Variants in TWIST2 observed in about 807,000 individuals in gnomAD.
TWIST2 encodes twist family bHLH transcription factor 2, also known as twist-related protein 2.
In TWIST2, 1 loss-of-function variant was observed where a neutral mutation model predicts 11.6. The ratio of observed to expected loss-of-function variants is 0.09; its 90% CI spans 0.03 to 0.41. The LOEUF (loss-of-function observed/expected upper bound fraction) is 0.41. Among genes scored for constraint, TWIST2 ranks in the 10% least tolerant of loss-of-function variants. The pLI is 0.98. For missense variants in TWIST2, 168 were observed against 226.4 expected, an observed-to-expected ratio of 0.74 and a Z score of 1.66; for synonymous variants, 87 against 96.6, an observed-to-expected ratio of 0.90 and a Z score of 0.58.
intron 1 of TWIST2, among the ~76,000 whole-genome samples, chr2:238,868,595 A>G (rs1307278275): frequency 6.6e-6 from 1 of 152,192 alleles, no homozygotes; most frequent in Non-Finnish European, 1.5e-5. Flanking sequence ...GAGATGGAAG[A>G]TGCTGTTTCC....
chr2:238,894,064 G>A (rs1266948998), intron 1 of TWIST2, among the ~76,000 whole-genome samples: 1 of 152,110 alleles, frequency 6.6e-6, no homozygotes, highest in Non-Finnish European at 1.5e-5. Context: ...CCAGGAATCT[G>A]AGCCCATCTT....
Position 238,864,178 on chromosome 2 carries a change from TG to T in TWIST2, c.*35+15451del, listed in dbSNP as rs893253821. On this transcript the variant is annotated intron_variant, in intron 1 of 1. Coordinates refer to ENST00000612363, the MANE Select transcript of TWIST2 (RefSeq NM_001271893.4). This position sits in a 1 kb window ranked among gnomAD's most constrained non-coding sequence, Gnocchi z 4.7. ...AAATATTTGTAAGTTTCCATCAGCATGGGGGGAAGGGGCTGGAGGTGAGGGG... is the reference window on the plus strand; with the variant it reads ...AAATATTTGTAAGTTTCCATCAGCATGGGGGAAGGGGCTGGAGGTGAGGGG... Among the ~76,000 whole-genome samples the T allele has an allele frequency of 1.3e-4, 20 of 149,620 alleles. No homozygotes were observed. Among genetic ancestry groups the T allele is most frequent in the African/African-American group, 4.2e-4 (17 of 40,580 alleles).
intron 1 of TWIST2, among the ~76,000 whole-genome samples, chr2:238,861,869 C>T (rs1459793952): frequency 6.6e-6 from 1 of 152,228 alleles, no homozygotes; most frequent in African/African-American, 2.4e-5. Flanking sequence ...CTGTCCCGCT[C>T]CATCCCCCCA....
At chr2:238,881,128 T>C (rs1692916384) in intron 1 of TWIST2, among the ~76,000 whole-genome samples, 1 of 101,924 alleles carries the variant, frequency 9.8e-6, no homozygotes, top group Admixed American at 1.1e-4. Flanking sequence ...TAGTATTTAT[T>C]AGTATTAGTA....
At chr2:238,878,869 G>T (rs148923374) in intron 1 of TWIST2, among the ~76,000 whole-genome samples, 63,047 of 151,966 alleles carry the variant, frequency 0.41, 13,487 homozygotes, top group East Asian at 0.52. Context: ...ACCTTCAGGA[G>T]CTGACTTTCC....
chr2:238,869,765 G>A (rs145344388), intron 1 of TWIST2, among the ~76,000 whole-genome samples: 4,249 of 152,280 alleles, frequency 0.028, 94 homozygotes, highest in Non-Finnish European at 0.044. Context: ...GCAACCTAGT[G>A]AGATGCCATC....
At chr2:238,849,613 C>A (rs1227989113) in intron 1 of TWIST2, among the ~76,000 whole-genome samples, 1 of 152,146 alleles carries the variant, frequency 6.6e-6, no homozygotes, top group Non-Finnish European at 1.5e-5. Context: ...GGCTGGGAAA[C>A]GGGTCTGGGG....
intron 1 of TWIST2, among the ~76,000 whole-genome samples, chr2:238,860,219 G>A (rs190816146): frequency 2.0e-5 from 3 of 152,220 alleles, no homozygotes; most frequent in Non-Finnish European, 2.9e-5. Context: ...GTGTGTGCAG[G>A]TGCTGCTCCC....
chr2:238,901,926 G>T (rs1230050633), intron 1 of TWIST2, among the ~76,000 whole-genome samples: 1 of 152,156 alleles, frequency 6.6e-6, no homozygotes, highest in Admixed American at 6.5e-5. Flanking sequence ...AGGGAGAGGA[G>T]GTGGGGGTGA....
chr2:238,908,608 T>C (rs1478005326), intron 1 of TWIST2, among the ~76,000 whole-genome samples: 1 of 152,224 alleles, frequency 6.6e-6, no homozygotes, highest in Non-Finnish European at 1.5e-5. Flanking sequence ...GTGTGGCATA[T>C]AATGTGGTAT....
At chr2:238,855,212 TA>T (rs1439576085) in intron 1 of TWIST2, among the ~76,000 whole-genome samples, 1 of 152,182 alleles carries the variant, frequency 6.6e-6, no homozygotes, top group Non-Finnish European at 1.5e-5. Flanking sequence ...TCTTGATACA[TA>T]ACAGAATAAG....
rs1324430414 is a variant in TWIST2 at position 238,848,602 on chromosome 2, G to A, written c.387G>A (p.Lys129=). The change falls in exon 1 of 2, where the codon AAG becomes AAA. Residue 129 remains lysine (K), a synonymous_variant. Coordinates refer to ENST00000612363, the MANE Select transcript of TWIST2 (RefSeq NM_001271893.4). Reference sequence around the variant, plus strand: ...TGCAGAGCGACGAGATGGACAATAAGATGACCAGCTGCAGCTACGTGGCCC... The same window carrying A: ...TGCAGAGCGACGAGATGGACAATAAAATGACCAGCTGCAGCTACGTGGCCC... ...QVLQSDEMDN[K]MTSCSYVAHE... is the part of the protein sequence containing the mutation. 1.9e-6 allele frequency: 3 copies of A among 1,561,878 alleles called. No homozygotes were observed. Among genetic ancestry groups the A allele is most frequent in the African/African-American group, 1.4e-5 (1 of 73,752 alleles).
At chr2:238,882,019 T>C (rs1463927149) in intron 1 of TWIST2, among the ~76,000 whole-genome samples, 1 of 152,106 alleles carries the variant, frequency 6.6e-6, no homozygotes, top group African/African-American at 2.4e-5. Context: ...TGTGTCTGTC[T>C]CTGTGTCCCT....
Position 238,864,628 on chromosome 2 carries a change from C to T in TWIST2, c.*35+15895C>T, listed in dbSNP as rs1692499425. On this transcript the variant is annotated intron_variant, in intron 1 of 1. Transcript: ENST00000612363. This position sits in a 1 kb window ranked among gnomAD's most constrained non-coding sequence, Gnocchi z 4.7. ...CGGCCAAGACCAGCAGGACAGGGGC[C>T]CAGAGGCTGGTACCCTCCGAGGTGC... 6.6e-6 allele frequency among the ~76,000 whole-genome samples: 1 copy of T among 152,138 alleles called. No individual in the cohort carries two copies. Among genetic ancestry groups the T allele is most frequent in the Non-Finnish European group, 1.5e-5 (1 of 67,998 alleles).
rs1306476370 is a variant in TWIST2 at position 238,864,077 on chromosome 2, A to G, written c.*35+15344A>G. On this transcript the variant is annotated intron_variant, in intron 1 of 1. Transcript: ENST00000612363. This position sits in a 1 kb window ranked among gnomAD's most constrained non-coding sequence, Gnocchi z 4.7. ...CCTGTCTTCCTTTACACCCTGGGCT[A>G]CATTTGACGCATATTTCTGGCAAAT... Among the ~76,000 whole-genome samples the G allele has an allele frequency of 6.6e-6, 1 of 152,110 alleles. No individual in the cohort carries two copies. The highest frequency in any genetic ancestry group is 2.4e-5 in the African/African-American group (1 of 41,414).
At chr2:238,880,017 G>A (rs545822627) in intron 1 of TWIST2, among the ~76,000 whole-genome samples, 3 of 152,342 alleles carry the variant, frequency 2.0e-5, no homozygotes, top group African/African-American at 7.2e-5. Flanking sequence ...CGGGGCTCTG[G>A]GCTGCCAACA....
At chr2:238,894,703 G>GGCA (rs1271052043) in intron 1 of TWIST2, among the ~76,000 whole-genome samples, 157 of 152,084 alleles carry the variant, frequency 1.0e-3, no homozygotes, top group African/African-American at 3.7e-3. Context: ...TCCTGGCTGT[G>GGCA]CCTCCCATCT....
In TWIST2 at chr2:238,880,655, CAGTATT is replaced by C. The variant is rs1305710290; in HGVS notation, c.*36-29177_*36-29172del. Among the ~76,000 whole-genome samples the C allele has an allele frequency of 7.7e-5, 7 of 90,398 alleles. 1 individual carries two copies. In the East Asian group the frequency reaches 2.0e-3, roughly 26 times the overall value. 59.3% of individuals were successfully genotyped at this position (90,398 alleles called of 152,430 possible). Reference sequence around the variant, plus strand: ...TTACTGTTAGTCTTAGTGTTAGTGTCAGTATTAGTATTAGTGTTAGTGTCAGTATTA... The same window carrying C: ...TTACTGTTAGTCTTAGTGTTAGTGTCAGTATTAGTGTTAGTGTCAGTATTA... On this transcript the variant is annotated intron_variant, in intron 1 of 1. Transcript: ENST00000612363.
At chr2:238,889,568 T>G (rs2106368698) in intron 1 of TWIST2, among the ~76,000 whole-genome samples, 1 of 152,356 alleles carries the variant, frequency 6.6e-6, no homozygotes, top group East Asian at 1.9e-4. Flanking sequence ...GTGCTCACTT[T>G]GCGCATGATA....
Sources: allele counts gnomAD v4.1 joint callset (sites outside exome capture counted in the v4.1 genomes callset), GRCh38; gene constraint gnomAD v4.1.1; non-coding constraint Gnocchi (gnomAD v3.1); transcripts MANE v1.5; gene names NCBI Gene and HGNC (gene_info 2026-07-23, HGNC 2026-07-21).